Variants in SCD5 observed in about 807,000 individuals in gnomAD.
SCD5 encodes the protein acyl-CoA-desaturase 4.
SCD5 carries 20 observed loss-of-function variants against 30.4 expected under a neutral mutation model. That is an observed-to-expected ratio of 0.66 (90% confidence interval 0.46 to 0.96). The LOEUF (loss-of-function observed/expected upper bound fraction) is 0.96, where lower values mean the gene tolerates loss of function less well. SCD5 is among the 40% of genes least tolerant of loss of function. The probability of loss-of-function intolerance (pLI) is 0.00; values close to 1 mark genes in which losing one functional copy is unlikely to be tolerated. For missense variants in SCD5, 381 were observed against 443.3 expected, an observed-to-expected ratio of 0.86 and a Z score of 1.26; for synonymous variants, 173 against 176.4, an observed-to-expected ratio of 0.98 and a Z score of 0.16.
At chr4:82,768,969 C>T (rs1486112077) in intron 1 of SCD5, among the ~76,000 whole-genome samples, 1 of 151,200 alleles carries the variant, frequency 6.6e-6, no homozygotes, top group Non-Finnish European at 1.5e-5. Context: ...AGTAGTAAGG[C>T]CCCCTTTTCA....
chr4:82,669,834 G>C (rs764148527), intron 3 of SCD5, among the ~76,000 whole-genome samples: 2 of 152,172 alleles, frequency 1.3e-5, no homozygotes, highest in Non-Finnish European at 2.9e-5. Context: ...TGACCTGCTG[G>C]GGTTTTATTT....
intron 1 of SCD5, among the ~76,000 whole-genome samples, chr4:82,780,045 A>C (rs1295931144): frequency 2.6e-5 from 4 of 152,242 alleles, no homozygotes; most frequent in African/African-American, 9.6e-5. Context: ...TAGAGTTACT[A>C]TGTGGATTAA....
chr4:82,749,549 A>T (rs1336314744), intron 1 of SCD5, among the ~76,000 whole-genome samples: 1 of 152,258 alleles, frequency 6.6e-6, no homozygotes, highest in East Asian at 1.9e-4. Context: ...ACATAAATAG[A>T]AAAGTAAATA....
At position 82,798,784 on chromosome 4, in the gene SCD5, A is replaced by G. The variant is rs902217694; in HGVS notation, c.-247T>C. 6 of 424,296 alleles carry G rather than the reference A, an allele frequency of 1.4e-5. No individual in the cohort carries two copies. The highest frequency in any genetic ancestry group is 8.4e-5 in the African/African-American group (4 of 47,358). The allele number at this position is 424,296 out of a possible 1,614,324, so 26.3% of individuals were successfully genotyped here. On this transcript the variant is annotated 5_prime_UTR_variant, in exon 1 of 5. Coordinates refer to ENST00000319540, the MANE Select transcript of SCD5 (RefSeq NM_001037582.3). ...TCCCCCATATGGCTGCCCGGGCTGA[A>G]CTCGGCCGCGAGAAAGAGGAGGCGC...
intron 1 of SCD5, among the ~76,000 whole-genome samples, chr4:82,780,611 C>T (rs1285500864): frequency 6.6e-6 from 1 of 152,262 alleles, no homozygotes; most frequent in Non-Finnish European, 1.5e-5. Flanking sequence ...AGCATTATCA[C>T]AACAGTGCCT....
intron 3 of SCD5, among the ~76,000 whole-genome samples, chr4:82,661,929 AG>A (rs1463107795): frequency 1.3e-5 from 2 of 152,198 alleles, no homozygotes; most frequent in African/African-American, 2.4e-5. Flanking sequence ...GAGAGGTGGC[AG>A]GGTTCTGGAC....
rs115446206 is a variant in SCD5, at chr4:82,747,844, G to A, written c.233-42431C>T. Among the ~76,000 whole-genome samples the A allele has an allele frequency of 8.1e-3, 1,228 of 152,260 alleles. 10 individuals carry two copies. The highest frequency in any genetic ancestry group is 0.014 in the Non-Finnish European group (926 of 68,010). ...CAAGAACCATAGGGGGCAAAAGCTT[G>A]GAATAGTAGGGTTAAAACAAGGAAA... On this transcript the variant is annotated intron_variant, in intron 1 of 4. Transcript: ENST00000319540.
At chr4:82,778,274 C>T (rs1419462183) in intron 1 of SCD5, among the ~76,000 whole-genome samples, 1 of 152,146 alleles carries the variant, frequency 6.6e-6, no homozygotes, top group Non-Finnish European at 1.5e-5. Flanking sequence ...CAACAGCCTC[C>T]AGAACCCACC....
intron 3 of SCD5, among the ~76,000 whole-genome samples, chr4:82,656,164 G>A (rs1342111620): frequency 6.6e-6 from 1 of 151,942 alleles, no homozygotes; most frequent in Non-Finnish European, 1.5e-5. Context: ...TTGTTACATA[G>A]GTATACACGT....
At position 82,726,671 on chromosome 4, in the gene SCD5, C is replaced by G. The variant is rs144390343; in HGVS notation, c.233-21258G>C. 1.3e-4 allele frequency among the ~76,000 whole-genome samples: 19 copies of G among 151,986 alleles called. 1 individual carries two copies. The East Asian group carries it at 3.7e-3, about 29-fold the overall frequency. ...TTTCATAAACAATATTTAATTCTTACTAAACTCAATGCACTGACACTTTCT... is the reference window on the plus strand; with the variant it reads ...TTTCATAAACAATATTTAATTCTTAGTAAACTCAATGCACTGACACTTTCT... On this transcript the variant is annotated intron_variant, in intron 1 of 4. Coordinates refer to ENST00000319540, the MANE Select transcript of SCD5 (RefSeq NM_001037582.3).
At chr4:82,748,712 G>A (rs1292449090) in intron 1 of SCD5, among the ~76,000 whole-genome samples, 1 of 152,210 alleles carries the variant, frequency 6.6e-6, no homozygotes, top group East Asian at 1.9e-4. Context: ...ACCGAGGTTA[G>A]GGGAAGAAGA....
chr4:82,795,809 C>CAAA (rs72115040), intron 1 of SCD5, among the ~76,000 whole-genome samples: 940 of 43,894 alleles, frequency 0.021, 246 homozygotes, highest in East Asian at 0.031. Flanking sequence ...CCCTGTCTCA[C>CAAA]AAAAAAAAAA....
intron 1 of SCD5, among the ~76,000 whole-genome samples, chr4:82,734,875 G>A (rs1720714684): frequency 6.6e-6 from 1 of 150,534 alleles, no homozygotes. Flanking sequence ...AGCAATTCTT[G>A]TGCCTCAGCC....
intron 3 of SCD5, among the ~76,000 whole-genome samples, chr4:82,665,266 AGAGAAACAGG>A (rs1192073652): frequency 1.1e-4 from 17 of 149,474 alleles, no homozygotes; most frequent in Admixed American, 2.7e-4. Flanking sequence ...CCAAAGAAAA[AGAGAAACAGG>A]TTAAAAAAAT....
chr4:82,692,882 A>G (rs1719589856), intron 2 of SCD5, among the ~76,000 whole-genome samples: 1 of 152,170 alleles, frequency 6.6e-6, no homozygotes. Context: ...TTGGCCCACA[A>G]GCTGGCTTCC....
chr4:82,773,836 TC>T (rs1441775140), intron 1 of SCD5, among the ~76,000 whole-genome samples: 1 of 152,120 alleles, frequency 6.6e-6, no homozygotes, highest in Non-Finnish European at 1.5e-5. Context: ...TGGTGGCTCA[TC>T]CCAGCACTTT....
intron 1 of SCD5, among the ~76,000 whole-genome samples, chr4:82,752,444 C>A (rs1269975349): frequency 1.3e-5 from 2 of 152,054 alleles, no homozygotes; most frequent in African/African-American, 4.8e-5. Context: ...CATTTTACTT[C>A]TTCTACTAGG....
chr4:82,723,107 C>T (rs926673854), intron 1 of SCD5, among the ~76,000 whole-genome samples: 5 of 150,408 alleles, frequency 3.3e-5, no homozygotes, highest in Admixed American at 2.6e-4. Flanking sequence ...AGGATTCTCT[C>T]CTGCTGGTTT....
At chr4:82,638,244 TCTC>T (rs1727472317) in intron 3 of SCD5, among the ~76,000 whole-genome samples, 1 of 151,926 alleles carries the variant, frequency 6.6e-6, no homozygotes, top group African/African-American at 2.4e-5. Flanking sequence ...CTTTTACCCT[TCTC>T]CTATGCACAA....
Sources: gnomAD v4.1 joint callset for allele counts (sites outside exome capture counted in the v4.1 genomes callset) on GRCh38, gnomAD v4.1.1 for gene constraint, MANE v1.5 for transcripts, NCBI Gene and HGNC (gene_info 2026-07-23, HGNC 2026-07-21) for gene names.